The following PER2 variants were observed in gnomAD, a reference collection of about 807,000 sequenced individuals.
PER2 encodes the protein period circadian regulator 2.
Under a neutral mutation model 121.0 loss-of-function variants are expected in PER2, and 66 were observed. The ratio of observed to expected loss-of-function variants is 0.55; its 90% CI spans 0.45 to 0.67. The LOEUF is 0.67. PER2 is among the 30% of genes least tolerant of loss of function. The probability of loss-of-function intolerance (pLI) is 0.00; values close to 1 mark genes in which losing one functional copy is unlikely to be tolerated. For synonymous variants in PER2, 684 were observed against 659.9 expected, an observed-to-expected ratio of 1.04 and a Z score of -0.56; for missense variants, 1,521 against 1,635.0, an observed-to-expected ratio of 0.93 and a Z score of 1.20.
At chr2:238,281,871 C>T (rs542771962) in intron 1 of PER2, among the ~76,000 whole-genome samples, 1 of 152,282 alleles carries the variant, frequency 6.6e-6, no homozygotes, top group Admixed American at 6.5e-5. Context: ...CAGAGAAGTG[C>T]TTATTTATGT....
upstream of PER2, among the ~76,000 whole-genome samples, chr2:238,292,218 T>G: frequency 6.6e-6 from 1 of 152,204 alleles, no homozygotes; most frequent in Admixed American, 6.5e-5. Flanking sequence ...GAGAAGGCTT[T>G]TTGATTTTTA....
rs1559323475 is a variant in PER2, at chr2:238,253,418, G to A, written c.2605C>T (p.Pro869Ser). Reference sequence around the variant, plus strand: ...GTGAAGCTGGCGTGGGGAGGTGCCGGGGGTGCTGCCACAGTCCCTGGCGCT... The same window carrying A: ...GTGAAGCTGGCGTGGGGAGGTGCCGAGGGTGCTGCCACAGTCCCTGGCGCT... ...FPAPGTVAAP[P>S]APPHASFTVP... Residue 869 changes from proline (P) to serine (S), a missense_variant, in exon 19 of 23, where the codon CCG becomes TCG. By Grantham distance (74) the Pro-to-Ser change is moderately conservative. Transcript: ENST00000254657. The surrounding 1 kb of genome is among the most constrained non-coding windows in gnomAD (Gnocchi z 5.6). 1.9e-6 allele frequency: 3 copies of A among 1,610,560 alleles called. No homozygotes were observed. The highest frequency in any genetic ancestry group is 2.5e-6 in the Non-Finnish European group (3 of 1,177,614).
chr2:238,266,387 G>A (rs1050312541), intron 8 of PER2, among the ~76,000 whole-genome samples: 7 of 151,558 alleles, frequency 4.6e-5, no homozygotes, highest in African/African-American at 1.7e-4. Flanking sequence ...CTCCCAAAGT[G>A]CCAGACCACA....
chr2:238,270,558 C>T (rs1435230027), intron 6 of PER2, among the ~76,000 whole-genome samples: 1 of 152,226 alleles, frequency 6.6e-6, no homozygotes, highest in Admixed American at 6.5e-5. Flanking sequence ...TGAGAATTCA[C>T]CTGGTCCTTG....
rs200509711 is a variant in PER2 at position 238,253,455 on chromosome 2, C to T, written c.2568G>A (p.Leu856=). ...CAGTCCCTGGCGCTGGAAACACGGG[C>T]AGTGAATAAGCTGCTGGCACTGGGG... is the stretch of plus-strand genomic sequence containing the variant. The part of the protein sequence containing the change: ...FPAPVPAAYS[L]PVFPAPGTVA... The change falls in exon 19 of 23, where the codon CTG becomes CTA. Residue 856 remains leucine, a synonymous_variant. Coordinates refer to ENST00000254657, the MANE Select transcript of PER2 (RefSeq NM_022817.3). This position sits in a 1 kb window ranked among gnomAD's most constrained non-coding sequence, Gnocchi z 5.6. 6.2e-7 allele frequency: 1 copy of T among 1,612,642 alleles called. No individual in the cohort carries two copies. The highest frequency in any genetic ancestry group is 1.3e-5 in the African/African-American group (1 of 74,880).
Position 238,261,818 on chromosome 2 carries a change from C to T in PER2, c.1327G>A (p.Val443Met), listed in dbSNP as rs752805555. 3.2e-6 allele frequency: 5 copies of T among 1,568,034 alleles called. No individual in the cohort carries two copies. The highest frequency in any genetic ancestry group is 1.7e-4 in the Middle Eastern group (1 of 6,004). Residue 443 changes from valine to methionine, a missense_variant, in exon 12 of 23, where the codon GTG becomes ATG. By Grantham distance (21) the Val-to-Met change is conservative. Coordinates refer to ENST00000254657, the MANE Select transcript of PER2 (RefSeq NM_022817.3). ...KVRVGPLNEDVFAAHPCTEEK... is the reference protein window; with the variant it reads ...KVRVGPLNEDMFAAHPCTEEK... ...TCTGTGCAGGGGTGGGCTGCAAACA[C>T]GTCCTCATTCAAAGGGCCCCTGCGT...
chr2:238,258,182 T>G lies in PER2; in HGVS notation c.1900+94A>C, dbSNP rs868588176. 7 of 1,374,830 alleles carry G rather than the reference T, an allele frequency of 5.1e-6. No individual in the cohort carries two copies. In the Middle Eastern group the frequency reaches 1.1e-3, roughly 208 times the overall value. The allele number at this position is 1,374,830 out of a possible 1,614,324, so 85.2% of individuals were successfully genotyped here. A position where few individuals can be genotyped will look rare whatever the true frequency, so the allele number is the denominator to read the frequency against. Reference sequence around the variant, plus strand: ...TCATTTGAAAAACAGCCTACACCCTTACACTGTGTCCACAGAAGCCATGGG... The same window carrying G: ...TCATTTGAAAAACAGCCTACACCCTGACACTGTGTCCACAGAAGCCATGGG... On this transcript the variant is annotated intron_variant, in intron 16 of 22. Transcript: ENST00000254657.
rs1422937702 is a variant in PER2 at position 238,246,181 on chromosome 2, C to A, written c.*194G>T. ...ATATTTTATATATAAAAACATATTT[C>A]TTTCCGAACTCTCCCCACTCTCCAC... On this transcript the variant is annotated 3_prime_UTR_variant, in exon 23 of 23. Transcript: ENST00000254657. 1 of 374,446 alleles carries A rather than the reference C, an allele frequency of 2.7e-6. No homozygotes were observed. The highest frequency in any genetic ancestry group is 4.7e-6 in the Non-Finnish European group (1 of 210,656). The allele number at this position is 374,446 out of a possible 1,614,324, so 23.2% of individuals were successfully genotyped here.
chr2:238,266,070 AT>A (rs550081362), intron 8 of PER2, among the ~76,000 whole-genome samples: 2 of 151,426 alleles, frequency 1.3e-5, no homozygotes, highest in Non-Finnish European at 1.5e-5. Context: ...CGCCCAGCTA[AT>A]TTTTTGTATT....
Position 238,249,313 on chromosome 2 carries a change from C to T in PER2, c.3468-101G>A. The T allele has an allele frequency of 3.9e-6, 5 of 1,268,128 alleles. 1 individual carries two copies. In the Middle Eastern group the frequency reaches 7.9e-4, roughly 201 times the overall value. The allele number at this position is 1,268,128 out of a possible 1,614,324, so 78.6% of individuals were successfully genotyped here. Reference sequence around the variant, plus strand: ...TAGTTTTAGATGATTTTGTTTAATGCAAATTTCCTTTTCTTTAAAAAAATT... The same window carrying T: ...TAGTTTTAGATGATTTTGTTTAATGTAAATTTCCTTTTCTTTAAAAAAATT... On this transcript the variant is annotated intron_variant, in intron 21 of 22. Coordinates refer to ENST00000254657, the MANE Select transcript of PER2 (RefSeq NM_022817.3).
Position 238,246,493 on chromosome 2 carries a change from CCT to C in PER2, c.3648_3649del (p.Gly1217Ter). ...TTCCTCATATGGTATGCAAATATTACCTTTTTCCTTGTTTTCACAGTAAACAC... is the reference window on the plus strand; with the variant it reads ...TTCCTCATATGGTATGCAAATATTACTTTTCCTTGTTTTCACAGTAAACAC... On this transcript the variant is annotated frameshift_variant, in exon 23 of 23. Coordinates refer to ENST00000254657, the MANE Select transcript of PER2 (RefSeq NM_022817.3). LOFTEE classifies it low-confidence loss of function (END_TRUNC). 6.3e-7 allele frequency: 1 copy of C among 1,585,950 alleles called. No individual in the cohort carries two copies. The highest frequency in any genetic ancestry group is 8.7e-7 in the Non-Finnish European group (1 of 1,154,554).
At chr2:238,266,097 G>C (rs992029294) in intron 8 of PER2, among the ~76,000 whole-genome samples, 4 of 151,880 alleles carry the variant, frequency 2.6e-5, no homozygotes, top group Non-Finnish European at 5.9e-5. Flanking sequence ...TTGAGGTGGG[G>C]TTTCACCGTG....
rs765548048 is a variant in PER2 at position 238,253,580 on chromosome 2, C to A, written c.2443G>T (p.Gly815Trp). The A allele has an allele frequency of 6.2e-7, 1 of 1,610,024 alleles. No individual in the cohort carries two copies. Among genetic ancestry groups the A allele is most frequent in the Non-Finnish European group, 8.5e-7 (1 of 1,178,272 alleles). ...RDSSESTGSG[G>W]PVSARPPLVG... ...AGCGGGGGCCGGGCGGACACGGGCC[C>A]CCCAGATCCGGTGCTCTCAGATGAG... is the stretch of plus-strand genomic sequence containing the variant. The change falls in exon 19 of 23, where the codon GGG becomes TGG. Residue 815 changes from glycine to tryptophan, a missense_variant. Transcript: ENST00000254657. This position sits in a 1 kb window ranked among gnomAD's most constrained non-coding sequence, Gnocchi z 5.6.
Position 238,258,339 on chromosome 2 carries a change from C to T in PER2, c.1837G>A (p.Val613Ile), listed in dbSNP as rs779656142. 7 of 1,614,178 alleles carry T rather than the reference C, an allele frequency of 4.3e-6. No homozygotes were observed. The highest frequency in any genetic ancestry group is 3.3e-5 in the South Asian group (3 of 91,084). The change falls in exon 16 of 23, where the codon GTC becomes ATC. Residue 613 changes from valine (V) to isoleucine (I), a missense_variant. Val to Ile is a conservative substitution (Grantham distance 29). Transcript: ENST00000254657. ...LKRKCEFPAN[V>I]PALRSSDKRK... The stretch of plus-strand genomic sequence containing the variant: ...TTATCACTGGACCTTAGCGCTGGGA[C>T]GTTTGCTGGGAACTCGCATTTCCTC...
chr2:238,271,220 G>A lies in PER2; in HGVS notation c.772+92C>T, dbSNP rs1353754560. 3 of 1,124,264 alleles carry A rather than the reference G, an allele frequency of 2.7e-6. No homozygotes were observed. The African/African-American group carries it at 4.6e-5, about 17-fold the overall frequency. The allele number at this position is 1,124,264 out of a possible 1,614,324, so 69.6% of individuals were successfully genotyped here. A position where few individuals can be genotyped will look rare whatever the true frequency, so the allele number is the denominator to read the frequency against. On this transcript the variant is annotated intron_variant, in intron 6 of 22. Coordinates refer to ENST00000254657, the MANE Select transcript of PER2 (RefSeq NM_022817.3). ...CCCACAGGTGGGCTCTGAAAGGTGA[G>A]GCAGGGCGCCTGCACCACATCTGGG...
the PER2 span, chr2:238,295,614 G>C: frequency 6.6e-6 from 1 of 152,618 alleles, no homozygotes; most frequent in South Asian, 2.1e-4. Context: ...GCAGGAGCCC[G>C]AGTGACTTAG....
chr2:238,261,067 C>T (rs1695913101), intron 12 of PER2, 114 bp from the exon 13 acceptor site: 5 of 1,279,564 alleles, frequency 3.9e-6, no homozygotes, highest in Admixed American at 1.9e-5. Flanking sequence ...CCTAAGGCTA[C>T]ATGGCAGAGA....
At position 238,251,775 on chromosome 2, in the gene PER2, A is replaced by C; in HGVS notation, c.3112-14T>G. ...GGGTTCATCACGCTTTAGGGACAGGAAGCAGATACTGCTGTTCAGGGGCTC... is the reference window on the plus strand; with the variant it reads ...GGGTTCATCACGCTTTAGGGACAGGCAGCAGATACTGCTGTTCAGGGGCTC... On this transcript the variant is annotated splice_polypyrimidine_tract_variant and intron_variant, in intron 19 of 22. Coordinates refer to ENST00000254657, the MANE Select transcript of PER2 (RefSeq NM_022817.3). 1 of 1,456,864 alleles carries C rather than the reference A, an allele frequency of 6.9e-7. No individual in the cohort carries two copies. Among genetic ancestry groups the C allele is most frequent in the Non-Finnish European group, 9.3e-7 (1 of 1,079,732 alleles). The allele number at this position is 1,456,864 out of a possible 1,614,324, so 90.2% of individuals were successfully genotyped here.
the PER2 span, among the ~76,000 whole-genome samples, chr2:238,297,450 G>A: frequency 1.3e-5 from 2 of 152,198 alleles, no homozygotes; most frequent in Non-Finnish European, 2.9e-5. Flanking sequence ...GACTCAGAGA[G>A]TGAGTGAAGA....
Sources: gnomAD v4.1 joint callset for allele counts (sites outside exome capture counted in the v4.1 genomes callset) on GRCh38, gnomAD v4.1.1 for gene constraint, Gnocchi (gnomAD v3.1) non-coding constraint, MANE v1.5 for transcripts, NCBI Gene and HGNC (gene_info 2026-07-23, HGNC 2026-07-21) for gene names.